Variants in CUL2 observed in about 807,000 individuals in gnomAD.
CUL2 encodes cullin 2.
Under a neutral mutation model 110.2 loss-of-function variants are expected in CUL2, and 22 were observed. The ratio of observed to expected loss-of-function variants is 0.20; its 90% CI spans 0.14 to 0.28. The LOEUF is 0.28. CUL2 is among the 10% of genes least tolerant of loss of function. CUL2 has a pLI of 1.00. For synonymous variants in CUL2, 279 were observed against 293.2 expected (o/e 0.95, Z 0.49); for missense variants, 631 against 905.5 (o/e 0.70, Z 3.89).
At chr10:35,039,628 G>C (rs748386184) in intron 8 of CUL2, among the ~76,000 whole-genome samples, 2 of 152,234 alleles carry the variant, frequency 1.3e-5, no homozygotes, top group Non-Finnish European at 2.9e-5. Flanking sequence ...ACTTTGGGAG[G>C]CCAAGGCAGG....
chr10:35,105,558 A>T (rs112403518), intron 1 of CUL2, among the ~76,000 whole-genome samples: 22,704 of 149,798 alleles, frequency 0.15, 1,875 homozygotes, highest in East Asian at 0.24. Context: ...ATACAAAAAA[A>T]TTTGCCGGGT....
At position 35,036,709 on chromosome 10, in the gene CUL2, A is replaced by G. The variant is rs1340285067; in HGVS notation, c.878-1413T>C. ...TTTAGTATTGCAGGTACATTACCCT[A>G]TAACTGTCTTCTGATGATCCAGTGG... On this transcript the variant is annotated intron_variant, in intron 9 of 20. Coordinates refer to ENST00000374749, the MANE Select transcript of CUL2 (RefSeq NM_003591.4). Among the ~76,000 whole-genome samples the G allele has an allele frequency of 5.3e-5, 8 of 152,282 alleles. No homozygotes were observed. The East Asian group carries it at 9.6e-4, about 18-fold the overall frequency.
At chr10:35,061,573 C>G (rs539389641) in intron 3 of CUL2, among the ~76,000 whole-genome samples, 1 of 152,086 alleles carries the variant, frequency 6.6e-6, no homozygotes, top group Admixed American at 6.6e-5. Context: ...AGCTCACTAG[C>G]TTACAATAGC....
chr10:35,069,326 C>T (rs1479313793), intron 2 of CUL2, among the ~76,000 whole-genome samples: 1 of 151,954 alleles, frequency 6.6e-6, no homozygotes, highest in Non-Finnish European at 1.5e-5. Flanking sequence ...AGTGATTGAG[C>T]CCAGGAGCTC....
intron 9 of CUL2, among the ~76,000 whole-genome samples, chr10:35,036,020 TCACAAGTGAACA>T (rs2085612532): frequency 6.6e-6 from 1 of 152,214 alleles, no homozygotes. Context: ...TACTGAATTA[TCACAAGTGAACA>T]CACAACACAC....
intron 4 of CUL2, 35 bp downstream of exon 4, chr10:35,060,839 T>C (rs2134919019): frequency 6.4e-7 from 1 of 1,551,788 alleles, no homozygotes; most frequent in East Asian, 2.3e-5. Context: ...CAGGCAACGC[T>C]GCTTAGCTTG....
At chr10:35,121,130 G>A (rs901241375) in intron 1 of CUL2, among the ~76,000 whole-genome samples, 1 of 152,324 alleles carries the variant, frequency 6.6e-6, no homozygotes, top group African/African-American at 2.4e-5. Context: ...TCCTATAGGC[G>A]ATTCTAGCAG....
At chr10:35,057,563 G>T (rs1467493386) in intron 4 of CUL2, among the ~76,000 whole-genome samples, 6 of 150,584 alleles carry the variant, frequency 4.0e-5, no homozygotes, top group Admixed American at 3.3e-4. Context: ...TGAGGCAGGA[G>T]AATCACTTGA....
upstream of CUL2, among the ~76,000 whole-genome samples, chr10:35,093,673 A>G (rs2087249187): frequency 6.6e-6 from 1 of 150,944 alleles, no homozygotes; most frequent in Non-Finnish European, 1.5e-5. Context: ...AAAAAAAAAA[A>G]AAAAAAAAGA....
chr10:35,051,184 G>A (rs1394912081), intron 5 of CUL2, among the ~76,000 whole-genome samples: 1 of 151,770 alleles, frequency 6.6e-6, no homozygotes, highest in East Asian at 1.9e-4. Context: ...GCGTGGTGGC[G>A]GGTGCCTATA....
chr10:35,081,037 G>T (rs971128998), intron 1 of CUL2, among the ~76,000 whole-genome samples: 2 of 151,902 alleles, frequency 1.3e-5, no homozygotes, highest in African/African-American at 4.8e-5. Context: ...AACATAGACA[G>T]ACCTGGTCTT....
chr10:35,035,123 C>T (rs376144838), intron 10 of CUL2, 49 bp downstream of exon 10: 28 of 1,608,674 alleles, frequency 1.7e-5, no homozygotes, highest in Middle Eastern at 1.7e-4. Context: ...AAAGGCTCCA[C>T]GCTGGATCTG....
At chr10:35,049,808 A>G (rs369536206) in intron 5 of CUL2, 43 bp from the exon 6 acceptor site, 9 of 1,341,324 alleles carry the variant, frequency 6.7e-6, no homozygotes, top group East Asian at 2.3e-5. Context: ...ATTACTTAGT[A>G]TATGTTTAAC....
At chr10:35,028,096 T>C (rs1296895301) in intron 16 of CUL2, among the ~76,000 whole-genome samples, 2 of 152,184 alleles carry the variant, frequency 1.3e-5, no homozygotes, top group African/African-American at 2.4e-5. Context: ...ATCCCAGCAC[T>C]TTGGGATGTA....
rs562943388 is a variant in CUL2 at position 35,067,958 on chromosome 10, A to C, written c.119+3241T>G. Reference sequence around the variant, plus strand: ...CTGTCTCTACTAAAAAAATACAAAAAAATTAGCCGGGCATTGTGGTGGGCG... The same window carrying C: ...CTGTCTCTACTAAAAAAATACAAAACAATTAGCCGGGCATTGTGGTGGGCG... On this transcript the variant is annotated intron_variant, in intron 2 of 20. Coordinates refer to ENST00000374749, the MANE Select transcript of CUL2 (RefSeq NM_003591.4). 1.1e-3 allele frequency among the ~76,000 whole-genome samples: 174 copies of C among 151,852 alleles called. 1 individual carries two copies. Among genetic ancestry groups the C allele is most frequent in the Non-Finnish European group, 1.9e-3 (132 of 67,942 alleles).
chr10:35,090,699 G>A (rs1564750110), upstream of CUL2: 1 of 152,356 alleles, frequency 6.6e-6, no homozygotes, highest in Non-Finnish European at 1.5e-5. Flanking sequence ...ATTGCGAAAG[G>A]CCACGGAAAT....
At chr10:35,126,745 A>G (rs2087855990), upstream of CUL2, 1 of 152,060 alleles carries the variant, frequency 6.6e-6, no homozygotes, top group African/African-American at 2.4e-5. Context: ...CCTCCAGGCT[A>G]GTTCCTCCTC....
intron 6 of CUL2, among the ~76,000 whole-genome samples, chr10:35,047,797 C>T (rs1439203080): frequency 6.6e-6 from 1 of 151,584 alleles, no homozygotes; most frequent in Non-Finnish European, 1.5e-5. Context: ...CCCAGCTACT[C>T]GGGAGGCTGA....
At chr10:35,116,012 A>AT (rs2087593061) in intron 1 of CUL2, among the ~76,000 whole-genome samples, 1 of 152,120 alleles carries the variant, frequency 6.6e-6, no homozygotes. Context: ...TTGAAAGATG[A>AT]TATCACTACA....
Sources: gnomAD v4.1 joint callset for allele counts (sites outside exome capture counted in the v4.1 genomes callset) on GRCh38, gnomAD v4.1.1 for gene constraint, MANE v1.5 for transcripts, NCBI Gene and HGNC (gene_info 2026-07-23, HGNC 2026-07-21) for gene names.